Variants in MAPK6 observed in about 807,000 individuals in gnomAD.
MAPK6 encodes ERK-3.
In MAPK6, 19 loss-of-function variants were observed where a neutral mutation model predicts 59.3. The ratio of observed to expected loss-of-function variants is 0.32; its 90% CI spans 0.22 to 0.47. The LOEUF (loss-of-function observed/expected upper bound fraction) is 0.47, where lower values mean the gene tolerates loss of function less well. MAPK6 is among the 20% of genes least tolerant of loss of function. The probability of loss-of-function intolerance (pLI) is 1.00; values close to 1 mark genes in which losing one functional copy is unlikely to be tolerated. For missense variants in MAPK6, 724 were observed against 847.9 expected (o/e 0.85, Z 1.81); for synonymous variants, 316 against 290.3 (o/e 1.09, Z -0.90).
intron 1 of MAPK6, among the ~76,000 whole-genome samples, chr15:51,975,134 GAAT>G (rs906308533): frequency 2.0e-5 from 3 of 152,010 alleles, no homozygotes; most frequent in South Asian, 2.1e-4. Context: ...TAGATCCTCA[GAAT>G]AATATCTTTT....
At chr15:52,019,747 C>T (rs1246064407) in intron 1 of MAPK6, among the ~76,000 whole-genome samples, 4 of 151,664 alleles carry the variant, frequency 2.6e-5, no homozygotes, top group Non-Finnish European at 5.9e-5. Context: ...TGCTGCCGTC[C>T]CGCCGCCTGC....
chr15:52,061,925 G>T (rs1324201004), intron 5 of MAPK6, among the ~76,000 whole-genome samples: 3 of 151,946 alleles, frequency 2.0e-5, no homozygotes, highest in Non-Finnish European at 4.4e-5. Flanking sequence ...TATTTATAAA[G>T]TCCTTTAACT....
chr15:52,034,718 G>C (rs984722850), intron 1 of MAPK6, among the ~76,000 whole-genome samples: 1 of 151,910 alleles, frequency 6.6e-6, no homozygotes, highest in Non-Finnish European at 1.5e-5. Context: ...TGTTTATTGA[G>C]ATGGAATCTT....
In MAPK6 at chr15:52,034,837, ACAGGTGTGCACCACCACGCC is replaced by A. The variant is rs200226114; in HGVS notation, c.-631-10991_-631-10972del. Among the ~76,000 whole-genome samples the A allele has an allele frequency of 2.8e-3, 426 of 152,190 alleles. 10 individuals are homozygous for A. In the East Asian group the frequency reaches 0.057, roughly 20 times the overall value. On this transcript the variant is annotated intron_variant, in intron 1 of 5. Coordinates refer to ENST00000261845, the MANE Select transcript of MAPK6 (RefSeq NM_002748.4). ...TTCAGCCTCCCAAGTACCTGGGAGT[ACAGGTGTGCACCACCACGCC>A]CGGCTAATGTTTGTGTTTTTAGTAG... is the stretch of plus-strand genomic sequence containing the variant.
intron 1 of MAPK6, among the ~76,000 whole-genome samples, chr15:52,036,952 T>C (rs1264493735): frequency 6.6e-6 from 1 of 151,602 alleles, no homozygotes; most frequent in Non-Finnish European, 1.5e-5. Context: ...AAATGAGAAA[T>C]AAAGAGGAAG....
In MAPK6 at chr15:52,064,490, C is replaced by G. The variant is rs769249333; in HGVS notation, c.1656C>G (p.Asp552Glu). The G allele has an allele frequency of 6.2e-7, 1 of 1,608,274 alleles. No individual in the cohort carries two copies. The highest frequency in any genetic ancestry group is 1.7e-5 in the Admixed American group (1 of 59,606). ...CTGATGTTGTTGATAAATTAAATGA[C>G]TTGAATAGCTCAGTGTCCCAACTAG... ...EPTDVVDKLN[D>E]LNSSVSQLEL... The change falls in exon 6 of 6, where the codon GAC (aspartate) becomes GAG (glutamate). Residue 552 changes from aspartate (D) to glutamate (E), a missense_variant. By Grantham distance (45) the Asp-to-Glu change is conservative. Coordinates refer to ENST00000261845, the MANE Select transcript of MAPK6 (RefSeq NM_002748.4).
At chr15:52,016,070 G>GCACACACACACACACACACACACACA (rs1175427042), upstream of MAPK6, among the ~76,000 whole-genome samples, 1 of 55,392 alleles carries the variant, frequency 1.8e-5, no homozygotes, top group Non-Finnish European at 3.4e-5. Context: ...GCGCGCGCGC[G>GCACACACACACACACACACACACACA]CACACACACA....
chr15:52,059,418 A>G (rs1156625782), intron 4 of MAPK6, among the ~76,000 whole-genome samples: 1 of 152,160 alleles, frequency 6.6e-6, no homozygotes, highest in African/African-American at 2.4e-5. Context: ...GTAAGCCACC[A>G]CACCTGGCCA....
intron 1 of MAPK6, among the ~76,000 whole-genome samples, chr15:52,021,894 T>A (rs566040016): frequency 3.9e-5 from 6 of 152,338 alleles, no homozygotes; most frequent in South Asian, 2.1e-4. Context: ...GGTTTTTTTT[T>A]AAAGATAAGC....
intron 3 of MAPK6, among the ~76,000 whole-genome samples, chr15:52,051,027 C>T (rs1596001466): frequency 6.6e-6 from 1 of 152,140 alleles, no homozygotes; most frequent in East Asian, 1.9e-4. Flanking sequence ...AGGCCTTTTT[C>T]TGTCTTTTGA....
intron 2 of MAPK6, among the ~76,000 whole-genome samples, chr15:51,990,187 A>G (rs564529526): frequency 7.2e-5 from 11 of 152,344 alleles, no homozygotes; most frequent in Admixed American, 2.6e-4. Context: ...CTCTGAGTCA[A>G]AGTGTTTACT....
chr15:52,023,606 T>G (rs868857587), intron 1 of MAPK6, among the ~76,000 whole-genome samples: 1 of 152,316 alleles, frequency 6.6e-6, no homozygotes, highest in Non-Finnish European at 1.5e-5. Flanking sequence ...CTAAGAGTTT[T>G]TTTGTTTGTT....
chr15:51,980,425 T>G (rs1440719086), intron 1 of MAPK6, among the ~76,000 whole-genome samples: 4 of 150,640 alleles, frequency 2.7e-5, no homozygotes, highest in African/African-American at 7.3e-5. Flanking sequence ...TGTATTTGTT[T>G]TAGAATAAGC....
At position 51,985,685 on chromosome 15, in the gene MAPK6, G is replaced by A. The variant is rs145970071; in HGVS notation, c.-770+2370G>A. Among the ~76,000 whole-genome samples the A allele has an allele frequency of 8.6e-5, 13 of 150,324 alleles. No individual in the cohort carries two copies. The East Asian group carries it at 2.4e-3, about 28-fold the overall frequency. ...CAAAAAACAAAAAACCCGGCCAGGC[G>A]CAGTGGCTCACGCCTGTAATCCTAA... On this transcript the variant is annotated intron_variant, in intron 2 of 7. Transcript: ENST00000691380.
Position 52,046,685 on chromosome 15 carries a change from T to C in MAPK6, c.225T>C (p.Asp75=). Residue 75 remains aspartate, a synonymous_variant, in exon 2 of 6, where the codon GAT becomes GAC. Transcript: ENST00000261845. ...AAATTATTAGAAGACTTGACCATGA[T>C]AACATTGTGAAAGTGTTTGAGATTC... ...EIKIIRRLDH[D]NIVKVFEILG... 1 of 1,614,190 alleles carries C rather than the reference T, an allele frequency of 6.2e-7. No individual in the cohort carries two copies. The highest frequency in any genetic ancestry group is 1.1e-5 in the South Asian group (1 of 91,080).
chr15:52,029,238 A>C (rs2030933647), intron 1 of MAPK6, among the ~76,000 whole-genome samples: 1 of 152,016 alleles, frequency 6.6e-6, no homozygotes, highest in South Asian at 2.1e-4. Context: ...GGGTTTCACC[A>C]TGTTGGTCAG....
upstream of MAPK6, among the ~76,000 whole-genome samples, chr15:52,015,572 G>A (rs1258285700): frequency 1.3e-5 from 2 of 150,622 alleles, no homozygotes; most frequent in African/African-American, 4.9e-5. Context: ...CCGCCTCCCG[G>A]GTTCAAGCAA....
Position 52,064,657 on chromosome 15 carries a change from A to G in MAPK6, c.1823A>G (p.Asn608Ser). 3.1e-6 allele frequency: 5 copies of G among 1,611,714 alleles called. No individual in the cohort carries two copies. The highest frequency in any genetic ancestry group is 4.2e-6 in the Non-Finnish European group (5 of 1,179,732). ...GGTGGGGAGGACTGTTTTTTCATAA[A>G]TCAGTTTTGTGAGGTAAGGAAGGAT... Reference protein sequence around the residue: ...VSGGEDCFFINQFCEVRKDEQ... With the variant: ...VSGGEDCFFISQFCEVRKDEQ... Residue 608 changes from asparagine to serine, a missense_variant, in exon 6 of 6, where the codon AAT (asparagine) becomes AGT (serine). Around this residue, in one of 4 missense-constraint regions of MAPK6, gnomAD observed 502 missense variants for 507.6 expected, o/e 0.99. Transcript: ENST00000261845.
At chr15:52,025,193 A>G (rs1201261680) in intron 1 of MAPK6, among the ~76,000 whole-genome samples, 1 of 152,142 alleles carries the variant, frequency 6.6e-6, no homozygotes, top group Non-Finnish European at 1.5e-5. Flanking sequence ...GTGAGCCGTG[A>G]TCGCACCGCA....
Sources: gnomAD v4.1 joint callset for allele counts (sites outside exome capture counted in the v4.1 genomes callset) on GRCh38, gnomAD v4.1.1 for gene constraint, gnomAD v4.1.1 regional missense constraint, MANE v1.5 for transcripts, NCBI Gene and HGNC (gene_info 2026-07-23, HGNC 2026-07-21) for gene names.